ZNF507: variants seen among roughly 807,000 people sequenced by gnomAD.
The protein encoded by ZNF507 is zinc finger protein 507.
ZNF507 carries 29 observed loss-of-function variants against 80.0 expected under a neutral mutation model. That is an observed-to-expected ratio of 0.36 (90% CI 0.27 to 0.49). ZNF507 has a LOEUF of 0.49. ZNF507 is among the 20% of genes least tolerant of loss of function. ZNF507 has a pLI of 0.98. For missense variants in ZNF507, 1,081 were observed against 1,152.2 expected (o/e 0.94, Z 0.90); for synonymous variants, 462 against 422.5 (o/e 1.09, Z -1.15).
At chr19:32,381,379 C>T (rs921932635) in intron 5 of ZNF507, among the ~76,000 whole-genome samples, 1 of 152,062 alleles carries the variant, frequency 6.6e-6, no homozygotes, top group Non-Finnish European at 1.5e-5. Context: ...GCAGGTGGAT[C>T]ACTTGAGGCC....
intron 5 of ZNF507, among the ~76,000 whole-genome samples, chr19:32,362,149 A>G (rs1187502405): frequency 6.6e-6 from 1 of 152,108 alleles, no homozygotes; most frequent in Non-Finnish European, 1.5e-5. Context: ...TGGCCTCCCA[A>G]AGTGCTGGGA....
intron 4 of ZNF507, chr19:32,358,322 T>C (rs1416959458): frequency 6.6e-6 from 1 of 152,274 alleles, no homozygotes. Context: ...TTAAAACTTC[T>C]TTACCTATTT....
Position 32,372,200 on chromosome 19 carries a change from A to G in ZNF507, c.2361-10267A>G, listed in dbSNP as rs73565326. 3.2e-3 allele frequency among the ~76,000 whole-genome samples: 489 copies of G among 152,112 alleles called. 1 individual carries two copies. Among genetic ancestry groups the G allele is most frequent in the African/African-American group, 0.011 (466 of 41,482 alleles). The stretch of plus-strand genomic sequence containing the variant: ...TTGTCAAAAGTAGGATTAAAAATCT[A>G]TAGTATGATTCTACTTTTGCTTCAG... On this transcript the variant is annotated intron_variant, in intron 5 of 6. Transcript: ENST00000355898.
intron 5 of ZNF507, among the ~76,000 whole-genome samples, chr19:32,373,849 C>T (rs1034574070): frequency 7.9e-5 from 12 of 152,150 alleles, no homozygotes; most frequent in African/African-American, 1.9e-4. Flanking sequence ...TATCCATTTT[C>T]GTAACACGTC....
rs529373478 is a variant in ZNF507, at chr19:32,354,896, T to C, written c.2066T>C (p.Ile689Thr). 6.2e-7 allele frequency: 1 copy of C among 1,614,116 alleles called. No homozygotes were observed. Among genetic ancestry groups the C allele is most frequent in the African/African-American group, 1.3e-5 (1 of 75,046 alleles). ...AGCAAAGATTTGGAGAGTCACATGA[T>C]CCACCACTGTAAGACAAGAATATAC... ...DNSKDLESHM[I>T]HHCKTRIYQC... The change falls in exon 3 of 7, where the codon ATC becomes ACC. Residue 689 changes from isoleucine to threonine, a missense_variant. Physicochemically the swap from Ile to Thr is moderately conservative, Grantham distance 89. Around this residue, in one of 6 missense-constraint regions of ZNF507, gnomAD observed 614 missense variants for 583.9 expected, o/e 1.05. Transcript: ENST00000355898.
rs776140436 is a variant in ZNF507, at chr19:32,354,649, A to G, written c.1819A>G (p.Ile607Val). 20 of 1,614,042 alleles carry G rather than the reference A, an allele frequency of 1.2e-5. No homozygotes were observed. The highest frequency in any genetic ancestry group is 2.2e-5 in the East Asian group (1 of 44,890). ...RTDQNASDDD[I>V]LKELQDNAQC... ...AGACCAAAACGCTTCAGACGATGACATTTTGAAAGAGTTGCAGGACAACGC... is the reference window on the plus strand; with the variant it reads ...AGACCAAAACGCTTCAGACGATGACGTTTTGAAAGAGTTGCAGGACAACGC... Residue 607 changes from isoleucine (I) to valine (V), a missense_variant, in exon 3 of 7, where the codon ATT (isoleucine) becomes GTT (valine). By Grantham distance (29) the Ile-to-Val change is conservative. Around this residue, in one of 6 missense-constraint regions of ZNF507, gnomAD observed 614 missense variants for 583.9 expected, o/e 1.05. Coordinates refer to ENST00000355898, the MANE Select transcript of ZNF507 (RefSeq NM_001136156.2).
chr19:32,373,288 C>T (rs1599556661), intron 5 of ZNF507, among the ~76,000 whole-genome samples: 2 of 152,126 alleles, frequency 1.3e-5, no homozygotes, highest in South Asian at 4.1e-4. Context: ...TAGTCACCTT[C>T]CAAAGGCCCC....
At chr19:32,346,063 C>CA (rs1967093538) in intron 1 of ZNF507, among the ~76,000 whole-genome samples, 1 of 152,244 alleles carries the variant, frequency 6.6e-6, no homozygotes, top group Non-Finnish European at 1.5e-5. Flanking sequence ...CTTCCTTCTC[C>CA]AGGCGTTGCT....
At position 32,353,874 on chromosome 19, in the gene ZNF507, AAGTC is replaced by A; in HGVS notation, c.1052_1055del (p.Ser351LeufsTer11). On this transcript the variant is annotated frameshift_variant, in exon 3 of 7. Coordinates refer to ENST00000355898, the MANE Select transcript of ZNF507 (RefSeq NM_001136156.2). LOFTEE classifies it high-confidence loss of function. ...AGAGTGCAGAAAGAGGAGTACACCT[AAGTC>A]AGTCAGTTACCCTGGACCCCAATGA... The A allele has an allele frequency of 1.9e-6, 3 of 1,614,186 alleles. No individual in the cohort carries two copies. The highest frequency in any genetic ancestry group is 2.5e-6 in the Non-Finnish European group (3 of 1,180,034).
intron 5 of ZNF507, among the ~76,000 whole-genome samples, chr19:32,361,487 G>A (rs1009513992): frequency 6.6e-6 from 1 of 152,158 alleles, no homozygotes; most frequent in East Asian, 1.9e-4. Flanking sequence ...GTGGTGATCT[G>A]TGTATGGTTT....
chr19:32,353,368 A>T lies in ZNF507; in HGVS notation c.538A>T (p.Asn180Tyr). ...AGCCCACGTGGTGAATGACCATGACAATGATGCCAATATCCACACCCAATC... is the reference window on the plus strand; with the variant it reads ...AGCCCACGTGGTGAATGACCATGACTATGATGCCAATATCCACACCCAATC... ...LEAHVVNDHD[N>Y]DANIHTQSKA... The change falls in exon 3 of 7, where the codon AAT (asparagine) becomes TAT (tyrosine). Residue 180 changes from asparagine (N) to tyrosine (Y), a missense_variant. Asn to Tyr is a moderately radical substitution (Grantham distance 143). Coordinates refer to ENST00000355898, the MANE Select transcript of ZNF507 (RefSeq NM_001136156.2). The T allele has an allele frequency of 6.2e-7, 1 of 1,614,198 alleles. No homozygotes were observed. The highest frequency in any genetic ancestry group is 2.2e-5 in the East Asian group (1 of 44,888).
intron 3 of ZNF507, among the ~76,000 whole-genome samples, chr19:32,355,589 A>G (rs995801611): frequency 3.9e-5 from 6 of 152,214 alleles, no homozygotes; most frequent in Non-Finnish European, 7.3e-5. Context: ...ATGAAGTGCT[A>G]TTCTTTTATA....
intron 3 of ZNF507, among the ~76,000 whole-genome samples, chr19:32,355,210 AGT>A (rs772659868): frequency 2.6e-5 from 4 of 152,194 alleles, no homozygotes; most frequent in Non-Finnish European, 5.9e-5. Flanking sequence ...TATAGTTTAA[AGT>A]GTTGATTTTC....
chr19:32,383,396 A>G lies in ZNF507; in HGVS notation c.*313A>G, dbSNP rs1967649511. 1 of 245,306 alleles carries G rather than the reference A, an allele frequency of 4.1e-6. No homozygotes were observed. Among genetic ancestry groups the G allele is most frequent in the South Asian group, 6.4e-5 (1 of 15,644 alleles). The allele number at this position is 245,306 out of a possible 1,614,324, so 15.2% of individuals were successfully genotyped here. A position where few individuals can be genotyped will look rare whatever the true frequency, so the allele number is the denominator to read the frequency against. ...TAATAAAAGCTTATTAGAGTGTAGA[A>G]ATGCCAGCAAGAGTTAAGAAAGGGC... On this transcript the variant is annotated 3_prime_UTR_variant, in exon 7 of 7. Transcript: ENST00000355898.
In ZNF507 at chr19:32,354,746, G is replaced by A. The variant is rs368622063; in HGVS notation, c.1916G>A (p.Arg639Gln). ...NVVEYIPNAERPYRCRLCHYT... is the reference protein window; with the variant it reads ...NVVEYIPNAEQPYRCRLCHYT... Reference sequence around the variant, plus strand: ...GTGGAATACATCCCGAATGCTGAACGACCCTACCGTTGCCGCCTGTGTCAC... The same window carrying A: ...GTGGAATACATCCCGAATGCTGAACAACCCTACCGTTGCCGCCTGTGTCAC... The change falls in exon 3 of 7, where the codon CGA becomes CAA. Residue 639 changes from arginine (R) to glutamine (Q), a missense_variant. By Grantham distance (43) the Arg-to-Gln change is conservative. Around this residue, in one of 6 missense-constraint regions of ZNF507, gnomAD observed 614 missense variants for 583.9 expected, o/e 1.05. Coordinates refer to ENST00000355898, the MANE Select transcript of ZNF507 (RefSeq NM_001136156.2). 34 of 1,614,030 alleles carry A rather than the reference G, an allele frequency of 2.1e-5. No homozygotes were observed. The highest frequency in any genetic ancestry group is 2.0e-4 in the African/African-American group (15 of 74,916).
rs1967662459 is a variant in ZNF507, at chr19:32,384,418, G to T, written c.*1335G>T. 1.3e-5 allele frequency: 2 copies of T among 152,140 alleles called. No individual in the cohort carries two copies. The highest frequency in any genetic ancestry group is 2.4e-5 in the African/African-American group (1 of 41,430). The allele number at this position is 152,140 out of a possible 1,614,324, so 9.4% of individuals were successfully genotyped here. A position where few individuals can be genotyped will look rare whatever the true frequency, so the allele number is the denominator to read the frequency against. ...TTTGTAGTTCTGATTACTCATTTATGCATTGTTTTGTTTAAGTAAATTCTG... is the reference window on the plus strand; with the variant it reads ...TTTGTAGTTCTGATTACTCATTTATTCATTGTTTTGTTTAAGTAAATTCTG... On this transcript the variant is annotated 3_prime_UTR_variant, in exon 7 of 7. Coordinates refer to ENST00000355898, the MANE Select transcript of ZNF507 (RefSeq NM_001136156.2).
At position 32,382,901 on chromosome 19, in the gene ZNF507, G is replaced by GA; in HGVS notation, c.2686dup (p.Ile896AsnfsTer8). On this transcript the variant is annotated frameshift_variant, in exon 7 of 7. Coordinates refer to ENST00000355898, the MANE Select transcript of ZNF507 (RefSeq NM_001136156.2). LOFTEE classifies it high-confidence loss of function. ...TACAAGTAATACCTCATATAGTTTA[G>GA]AAAAAATCTCCAGTCTGGCCCCTCC... 2 of 1,614,080 alleles carry GA rather than the reference G, an allele frequency of 1.2e-6. No individual in the cohort carries two copies. The highest frequency in any genetic ancestry group is 1.1e-5 in the South Asian group (1 of 91,074).
At chr19:32,379,690 A>G (rs562880534) in intron 5 of ZNF507, among the ~76,000 whole-genome samples, 1 of 152,204 alleles carries the variant, frequency 6.6e-6, no homozygotes, top group Non-Finnish European at 1.5e-5. Flanking sequence ...CAATTTATTT[A>G]AATTAAAAGC....
At chr19:32,368,988 G>C (rs1217898458) in intron 5 of ZNF507, among the ~76,000 whole-genome samples, 1 of 152,120 alleles carries the variant, frequency 6.6e-6, no homozygotes, top group East Asian at 1.9e-4. Flanking sequence ...GAAAGTGGGG[G>C]GTTTTAAACC....
Sources: gnomAD v4.1 joint callset for allele counts (sites outside exome capture counted in the v4.1 genomes callset) on GRCh38, gnomAD v4.1.1 for gene constraint, gnomAD v4.1.1 regional missense constraint, MANE v1.5 for transcripts, NCBI Gene and HGNC (gene_info 2026-07-23, HGNC 2026-07-21) for gene names.